The following GRB10 variants were observed in gnomAD, a reference collection of about 807,000 sequenced individuals.
The protein encoded by GRB10 is growth factor receptor-bound protein 10.
A neutral mutation model predicts 80.9 loss-of-function variants in GRB10; 20 were observed. The observed-to-expected ratio is 0.25, with a 90% CI of 0.17 to 0.36. GRB10 has a LOEUF of 0.36. Among genes scored for constraint, GRB10 ranks in the 10% least tolerant of loss-of-function variants. The pLI is 1.00. For missense variants in GRB10, 548 were observed against 747.7 expected, an observed-to-expected ratio of 0.73 and a Z score of 3.12; for synonymous variants, 291 against 291.5, an observed-to-expected ratio of 1.00 and a Z score of 0.02.
At chr7:50,783,168 C>T (rs2078488787), upstream of GRB10, among the ~76,000 whole-genome samples, 1 of 152,242 alleles carries the variant, frequency 6.6e-6, no homozygotes, top group African/African-American at 2.4e-5. Context: ...GAGATGCCGC[C>T]TGCTCGAGCA....
rs757027920 is a variant in GRB10 at position 50,595,409 on chromosome 7, G to A, written c.1638+28C>T. 5 of 1,178,138 alleles carry A rather than the reference G, an allele frequency of 4.2e-6. No individual in the cohort carries two copies. In the South Asian group the frequency reaches 4.8e-5, roughly 11 times the overall value. 73.0% of individuals were successfully genotyped at this position (1,178,138 alleles called of 1,614,324 possible). A position where few individuals can be genotyped will look rare whatever the true frequency, so the allele number is the denominator to read the frequency against. ...AATGAAACCAGAAAACAAACCACAA[G>A]GACTGGTCTGAGAACATCAATACTT... On this transcript the variant is annotated intron_variant, in intron 18 of 18. Transcript: ENST00000401949.
At chr7:50,614,519 C>A (rs2050173358) in intron 12 of GRB10, among the ~76,000 whole-genome samples, 1 of 152,158 alleles carries the variant, frequency 6.6e-6, no homozygotes, top group African/African-American at 2.4e-5. Flanking sequence ...CAAAAGCCAC[C>A]CTCCCTAAAA....
At chr7:50,634,420 TACTC>T (rs2054564510) in intron 7 of GRB10, among the ~76,000 whole-genome samples, 1 of 152,204 alleles carries the variant, frequency 6.6e-6, no homozygotes, top group African/African-American at 2.4e-5. Context: ...AAAAGGATGA[TACTC>T]ACCATCATAA....
In GRB10 at chr7:50,619,300, C is replaced by T. The variant is rs755802437; in HGVS notation, c.662-15G>A. ...CAAGCACCTCTCTGCAGGGGCAAAG[C>T]ATCACGTGTGAGACGCAACAGGTGG... is the stretch of plus-strand genomic sequence containing the variant. On this transcript the variant is annotated splice_polypyrimidine_tract_variant and intron_variant, in intron 8 of 18. Transcript: ENST00000401949. 2 of 1,492,148 alleles carry T rather than the reference C, an allele frequency of 1.3e-6. No individual in the cohort carries two copies. Among genetic ancestry groups the T allele is most frequent in the South Asian group, 2.3e-5 (2 of 88,690 alleles). 92.4% of individuals were successfully genotyped at this position (1,492,148 alleles called of 1,614,324 possible). A position where few individuals can be genotyped will look rare whatever the true frequency, so the allele number is the denominator to read the frequency against.
chr7:50,672,799 TGATGCTCCCAAGA>T (rs890863777), intron 6 of GRB10, among the ~76,000 whole-genome samples: 71 of 152,304 alleles, frequency 4.7e-4, no homozygotes, highest in African/African-American at 1.6e-3. Context: ...AAGGCTACTG[TGATGCTCCCAAGA>T]GATGCTCCCA....
intron 4 of GRB10, among the ~76,000 whole-genome samples, chr7:50,714,074 C>T (rs763267767): frequency 1.3e-5 from 2 of 152,146 alleles, no homozygotes; most frequent in Non-Finnish European, 2.9e-5. Flanking sequence ...CTACCTCTTC[C>T]TCCCCTACCT....
At position 50,782,022 on chromosome 7, in the gene GRB10, A is replaced by T. The variant is rs1454477700; in HGVS notation, c.-327+402T>A. On this transcript the variant is annotated intron_variant, in intron 1 of 18. Transcript: ENST00000401949. This position sits in a 1 kb window ranked among gnomAD's most constrained non-coding sequence, Gnocchi z 6.6. The stretch of plus-strand genomic sequence containing the variant: ...TTTTCACAGAAAAAGCCGGTGCAGT[A>T]GCCCGGATGCCCAGATCCACTCATT... Among the ~76,000 whole-genome samples, 1 of 152,236 alleles carries T rather than the reference A, an allele frequency of 6.6e-6. No individual in the cohort carries two copies. The highest frequency in any genetic ancestry group is 1.5e-5 in the Non-Finnish European group (1 of 68,036).
intron 5 of GRB10, among the ~76,000 whole-genome samples, chr7:50,698,411 C>A (rs1317765945): frequency 6.6e-6 from 1 of 152,214 alleles, no homozygotes; most frequent in African/African-American, 2.4e-5. Context: ...TAAAGATTCT[C>A]ACTATTCATT....
intron 7 of GRB10, among the ~76,000 whole-genome samples, chr7:50,630,875 A>G (rs2053868260): frequency 6.6e-6 from 1 of 152,212 alleles, no homozygotes; most frequent in African/African-American, 2.4e-5. Flanking sequence ...TGCTAATAGA[A>G]GGTTCCACTG....
At chr7:50,723,310 C>G (rs1041755572) in intron 4 of GRB10, among the ~76,000 whole-genome samples, 9 of 152,172 alleles carry the variant, frequency 5.9e-5, no homozygotes, top group Non-Finnish European at 1.3e-4. Flanking sequence ...ATTCTCCTTC[C>G]TCTATTACTT....
chr7:50,640,686 T>G (rs1303840247), intron 7 of GRB10, among the ~76,000 whole-genome samples: 1 of 152,266 alleles, frequency 6.6e-6, no homozygotes, highest in Non-Finnish European at 1.5e-5. Flanking sequence ...GTAGCTTATT[T>G]GCCATCCAAA....
intron 5 of GRB10, among the ~76,000 whole-genome samples, chr7:50,682,987 A>C (rs1468731881): frequency 6.6e-6 from 1 of 152,248 alleles, no homozygotes; most frequent in Non-Finnish European, 1.5e-5. Context: ...TATACCCCCC[A>C]AAATTGAAAG....
chr7:50,704,718 CAA>C (rs1363994235), intron 4 of GRB10, among the ~76,000 whole-genome samples: 1 of 152,206 alleles, frequency 6.6e-6, no homozygotes, highest in Non-Finnish European at 1.5e-5. Context: ...CCTATTCATG[CAA>C]AAGAGACCTT....
intron 7 of GRB10, among the ~76,000 whole-genome samples, chr7:50,639,500 C>CT (rs10662708): frequency 6.6e-6 from 1 of 151,554 alleles, no homozygotes; most frequent in Non-Finnish European, 1.5e-5. Flanking sequence ...ACGGTGAAAC[C>CT]GTCTCTACTA....
At chr7:50,676,332 C>T (rs2060925619) in intron 5 of GRB10, among the ~76,000 whole-genome samples, 1 of 51,270 alleles carries the variant, frequency 2.0e-5, no homozygotes, top group Non-Finnish European at 4.1e-5. Flanking sequence ...GTGTCCACCC[C>T]ACCGGGGGGG....
At chr7:50,627,325 G>C (rs1431199424) in intron 7 of GRB10, among the ~76,000 whole-genome samples, 1 of 152,186 alleles carries the variant, frequency 6.6e-6, no homozygotes, top group Non-Finnish European at 1.5e-5. Flanking sequence ...GTGGTCTCCA[G>C]GTTGGACATT....
Position 50,606,442 on chromosome 7 carries a change from C to A in GRB10, c.1195-28G>T, listed in dbSNP as rs1279852452. The A allele has an allele frequency of 5.1e-6, 8 of 1,579,132 alleles. No individual in the cohort carries two copies. The East Asian group carries it at 1.8e-4, about 35-fold the overall frequency. On this transcript the variant is annotated intron_variant, in intron 13 of 18. Transcript: ENST00000401949. The stretch of plus-strand genomic sequence containing the variant: ...GGAGAGGAGAAGCCACAGTTAGTCA[C>A]CGGCCCGGGAGCCCCGAGGCCCGGC...
intron 2 of GRB10, among the ~76,000 whole-genome samples, chr7:50,763,412 G>A (rs144767752): frequency 6.6e-6 from 1 of 152,190 alleles, no homozygotes; most frequent in Non-Finnish European, 1.5e-5. Flanking sequence ...CCCCTAAACC[G>A]GAGGTGGGAT....
intron 7 of GRB10, among the ~76,000 whole-genome samples, chr7:50,642,305 C>T (rs1415087197): frequency 6.7e-6 from 1 of 149,154 alleles, no homozygotes; most frequent in East Asian, 2.0e-4. Context: ...CACGCATGCA[C>T]ACACACACAC....
Sources: allele counts gnomAD v4.1 joint callset (sites outside exome capture counted in the v4.1 genomes callset), GRCh38; gene constraint gnomAD v4.1.1; non-coding constraint Gnocchi (gnomAD v3.1); transcripts MANE v1.5; gene names NCBI Gene and HGNC (gene_info 2026-07-23, HGNC 2026-07-21).